The following PLEKHA6 variants were observed in gnomAD, a reference collection of about 807,000 sequenced individuals.
PLEKHA6 encodes pleckstrin homology domain containing A6.
A neutral mutation model predicts 116.7 loss-of-function variants in PLEKHA6; 60 were observed. The ratio of observed to expected loss-of-function variants is 0.51; its 90% CI spans 0.42 to 0.64. The LOEUF is 0.64. PLEKHA6 is among the 30% of genes least tolerant of loss of function. The pLI, the probability that PLEKHA6 is intolerant of heterozygous loss-of-function variation, is 0.00. For synonymous variants in PLEKHA6, 489 were observed against 556.1 expected (o/e 0.88, Z 1.70); for missense variants, 1,338 against 1,422.7 (o/e 0.94, Z 0.96).
intron 21 of PLEKHA6, among the ~76,000 whole-genome samples, chr1:204,225,640 C>A (rs1314513222): frequency 6.6e-6 from 1 of 152,194 alleles, no homozygotes; most frequent in African/African-American, 2.4e-5. Context: ...TCATAAACAC[C>A]ACCTCCACCA....
At chr1:204,251,516 A>G in intron 9 of PLEKHA6, 1 of 702,632 alleles carries the variant, frequency 1.4e-6, no homozygotes, top group Admixed American at 2.0e-5. Context: ...CCATGCTGCC[A>G]GGCAGAGGTC....
At chr1:204,249,124 A>G (rs1664189266) in intron 11 of PLEKHA6, 60 bp downstream of exon 11, 15 of 1,507,906 alleles carry the variant, frequency 9.9e-6, no homozygotes, top group African/African-American at 1.4e-5. Context: ...GCAGCCCACA[A>G]CCTTCTCCAA....
intron 1 of PLEKHA6, among the ~76,000 whole-genome samples, chr1:204,294,407 T>C (rs531759482): frequency 1.3e-5 from 2 of 152,348 alleles, no homozygotes; most frequent in East Asian, 3.9e-4. Flanking sequence ...CCCCCAGAGA[T>C]AGGTATTGCT....
chr1:204,327,343 T>C (rs1277145151), intron 1 of PLEKHA6, among the ~76,000 whole-genome samples: 1 of 152,128 alleles, frequency 6.6e-6, no homozygotes, highest in Non-Finnish European at 1.5e-5. Flanking sequence ...CCTTTCTGTC[T>C]CCCTCTCAAG....
chr1:204,351,797 C>T (rs886512562), intron 1 of PLEKHA6, among the ~76,000 whole-genome samples: 9 of 152,148 alleles, frequency 5.9e-5, no homozygotes, highest in African/African-American at 1.9e-4. Flanking sequence ...AGCTCCTGCC[C>T]TCCCCAAGCT....
chr1:204,270,584 G>A (rs1284424794), intron 3 of PLEKHA6, among the ~76,000 whole-genome samples: 2 of 152,118 alleles, frequency 1.3e-5, no homozygotes, highest in East Asian at 1.9e-4. Flanking sequence ...ATGTATACAG[G>A]GCTGATGAGT....
chr1:204,319,834 A>G (rs1302816286), intron 1 of PLEKHA6, among the ~76,000 whole-genome samples: 2 of 151,984 alleles, frequency 1.3e-5, no homozygotes, highest in Non-Finnish European at 2.9e-5. Flanking sequence ...GAGGAAAGAG[A>G]GAAGGGAGAA....
At chr1:204,337,992 C>T (rs1274064689) in intron 1 of PLEKHA6, among the ~76,000 whole-genome samples, 1 of 152,234 alleles carries the variant, frequency 6.6e-6, no homozygotes, top group African/African-American at 2.4e-5. Context: ...GGCTTACAGT[C>T]TTATTTCTTT....
chr1:204,313,938 A>G (rs768751620), intron 1 of PLEKHA6, among the ~76,000 whole-genome samples: 2 of 152,072 alleles, frequency 1.3e-5, no homozygotes, highest in South Asian at 4.2e-4. Context: ...CCTCCTACTT[A>G]TCTGCTGGCA....
intron 1 of PLEKHA6, among the ~76,000 whole-genome samples, chr1:204,319,442 A>T (rs1671978129): frequency 6.6e-6 from 1 of 152,188 alleles, no homozygotes; most frequent in African/African-American, 2.4e-5. Context: ...AATTGAGATC[A>T]AGAGACATTA....
chr1:204,357,438 A>C (rs1483109363), intron 1 of PLEKHA6, among the ~76,000 whole-genome samples: 1 of 152,186 alleles, frequency 6.6e-6, no homozygotes, highest in African/African-American at 2.4e-5. Context: ...TTCTGCTCCC[A>C]GTTACTCTAA....
intron 9 of PLEKHA6, chr1:204,256,721 G>T: frequency 2.1e-6 from 1 of 466,284 alleles, no homozygotes; most frequent in Non-Finnish European, 3.8e-6. Context: ...CGTCCCTGGA[G>T]TCCGCCCCAG....
chr1:204,274,166 A>T (rs1216784445), intron 2 of PLEKHA6, among the ~76,000 whole-genome samples: 8 of 152,040 alleles, frequency 5.3e-5, no homozygotes, highest in African/African-American at 1.4e-4. Context: ...TCCTGGACCC[A>T]AGTGATCCTC....
At chr1:204,352,698 T>C (rs1558198103) in intron 1 of PLEKHA6, among the ~76,000 whole-genome samples, 2 of 152,206 alleles carry the variant, frequency 1.3e-5, no homozygotes, top group African/African-American at 4.8e-5. Context: ...TAAAAATTTT[T>C]TTTTGACCGG....
chr1:204,299,070 A>G (rs1236924146), intron 1 of PLEKHA6, among the ~76,000 whole-genome samples: 2 of 152,200 alleles, frequency 1.3e-5, no homozygotes, highest in African/African-American at 4.8e-5. Context: ...GAGTTCTGAG[A>G]GACACCCCAG....
chr1:204,270,874 C>T (rs1667377017), intron 3 of PLEKHA6, among the ~76,000 whole-genome samples: 1 of 152,210 alleles, frequency 6.6e-6, no homozygotes, highest in African/African-American at 2.4e-5. Flanking sequence ...CTCCATCCTC[C>T]CGTGCCTTTC....
chr1:204,245,050 C>G (rs1487082892), intron 14 of PLEKHA6, 47 bp from the exon 15 acceptor site: 2 of 1,342,768 alleles, frequency 1.5e-6, no homozygotes. Flanking sequence ...AGGGGTGCGG[C>G]CTGGTGGGTA....
chr1:204,267,448 C>A, intron 5 of PLEKHA6, 27 bp downstream of exon 5: 1 of 1,601,496 alleles, frequency 6.2e-7, no homozygotes, highest in Non-Finnish European at 8.6e-7. Context: ...TTCCTGCCAT[C>A]CCTGCCAGTC....
chr1:204,298,847 AGCCCTTCTCCAG>A (rs1670541754), intron 1 of PLEKHA6, among the ~76,000 whole-genome samples: 1 of 152,254 alleles, frequency 6.6e-6, no homozygotes, highest in South Asian at 2.1e-4. Context: ...AAAAGAGGCC[AGCCCTTCTCCAG>A]GCAATTCTAT....
Sources: allele counts gnomAD v4.1 joint callset (sites outside exome capture counted in the v4.1 genomes callset), GRCh38; gene constraint gnomAD v4.1.1; transcripts MANE v1.5; gene names NCBI Gene and HGNC (gene_info 2026-07-23, HGNC 2026-07-21).